ZC3H12B: variants seen among roughly 807,000 people sequenced by gnomAD.
The protein encoded by ZC3H12B is probable ribonuclease ZC3H12B.
A neutral mutation model predicts 43.9 loss-of-function variants in ZC3H12B; 7 were observed. The ratio of observed to expected loss-of-function variants is 0.16; its 90% CI spans 0.09 to 0.30. The LOEUF (loss-of-function observed/expected upper bound fraction) is 0.30. Among genes scored for constraint, ZC3H12B ranks in the 10% least tolerant of loss-of-function variants. The pLI, the probability that ZC3H12B is intolerant of heterozygous loss-of-function variation, is 1.00. For synonymous variants in ZC3H12B, 222 were observed against 241.7 expected, an observed-to-expected ratio of 0.92 and a Z score of 0.76; for missense variants, 475 against 670.2, an observed-to-expected ratio of 0.71 and a Z score of 3.22.
the ZC3H12B span, among the ~76,000 whole-genome samples, chrX:65,152,179 G>A: frequency 9.0e-6 from 1 of 111,623 alleles, no homozygotes; most frequent in African/African-American, 3.3e-5. Flanking sequence ...CACAAGACAG[G>A]GATGCCCTCT....
the ZC3H12B span, among the ~76,000 whole-genome samples, chrX:65,308,685 A>C: frequency 8.9e-6 from 1 of 111,983 alleles, no homozygotes; most frequent in Non-Finnish European, 1.9e-5. Flanking sequence ...CAGAATATAC[A>C]TTCTTCGCAG....
At chrX:65,381,453 A>C (rs1471654584) in intron 2 of ZC3H12B, among the ~76,000 whole-genome samples, 1 of 111,650 alleles carries the variant, frequency 9.0e-6, no homozygotes. Context: ...CATTCAAAGC[A>C]GTGTGTAGAG....
intron 2 of ZC3H12B, 113 bp downstream of exon 7, chrX:65,497,384 G>T (rs1391002591): frequency 1.0e-5 from 7 of 676,574 alleles, no homozygotes; most frequent in Non-Finnish European, 1.4e-5. Flanking sequence ...TATATTTAAA[G>T]TATTTTTATT....
At chrX:65,243,958 A>T in the ZC3H12B span, among the ~76,000 whole-genome samples, 1 of 111,989 alleles carries the variant, frequency 8.9e-6, no homozygotes, top group Non-Finnish European at 1.9e-5. Flanking sequence ...AATGATGCCT[A>T]CCATAGGCTG....
chrX:65,052,024 A>G, the ZC3H12B span, among the ~76,000 whole-genome samples: 1 of 110,825 alleles, frequency 9.0e-6, no homozygotes, highest in Non-Finnish European at 1.9e-5. Context: ...GTAGTTGGAG[A>G]AGTGTAAAAC....
At chrX:65,478,602 G>T (rs1414270610) in intron 3 of ZC3H12B, among the ~76,000 whole-genome samples, 1 of 112,150 alleles carries the variant, frequency 8.9e-6, no homozygotes, top group Admixed American at 9.5e-5. Context: ...TTATTTGTCA[G>T]CTATTGGTTC....
In ZC3H12B at chrX:65,378,349, C is replaced by A. The variant is rs1229265289; in HGVS notation, n.295+9351C>A. On this transcript the variant is annotated intron_variant and non_coding_transcript_variant, in intron 2 of 5. Transcript: ENST00000617377. ...AAGGTGTAGAGTGTTTTTTAGTTTA[C>A]TTTATTCTTGTTTGTTTAGATAAAG... 9.0e-5 allele frequency among the ~76,000 whole-genome samples: 10 copies of A among 111,070 alleles called. No homozygotes were observed. The Admixed American group carries it at 9.5e-4, about 11-fold the overall frequency.
chrX:65,479,570 A>T (rs1275547660), intron 3 of ZC3H12B, among the ~76,000 whole-genome samples: 2 of 110,807 alleles, frequency 1.8e-5, no homozygotes, highest in Non-Finnish European at 3.8e-5. Context: ...GTTTCACTGC[A>T]TTGGCCAGGC....
intron 2 of ZC3H12B, among the ~76,000 whole-genome samples, chrX:65,376,445 T>A (rs2066347623): frequency 9.1e-6 from 1 of 110,420 alleles, no homozygotes; most frequent in Non-Finnish European, 1.9e-5. Context: ...AGCCAGAGAG[T>A]GGTTACAATG....
At chrX:65,286,553 CTAAAA>C in the ZC3H12B span, among the ~76,000 whole-genome samples, 3 of 109,840 alleles carry the variant, frequency 2.7e-5, no homozygotes, top group African/African-American at 9.9e-5. Flanking sequence ...CCCTTTGAAC[CTAAAA>C]TAAAAGTTGA....
chrX:65,417,045 G>T (rs758660858), intron 3 of ZC3H12B, among the ~76,000 whole-genome samples: 2 of 111,753 alleles, frequency 1.8e-5, no homozygotes, highest in South Asian at 7.5e-4. Context: ...TCTGATGAAA[G>T]TATTCAAAAG....
chrX:65,256,750 G>C, the ZC3H12B span, among the ~76,000 whole-genome samples: 6 of 111,885 alleles, frequency 5.4e-5, no homozygotes, highest in Non-Finnish European at 1.1e-4. Context: ...GAATCCAGAC[G>C]TTGGTTTGTT....
the ZC3H12B span, among the ~76,000 whole-genome samples, chrX:65,058,050 A>G: frequency 8.9e-6 from 1 of 112,073 alleles, no homozygotes; most frequent in Non-Finnish European, 1.9e-5. Context: ...AGCTCGGAGA[A>G]GTTTGATCGT....
At chrX:65,352,464 AT>A in the ZC3H12B span, among the ~76,000 whole-genome samples, 13 of 9,328 alleles carry the variant, frequency 1.4e-3, no homozygotes, top group East Asian at 0.042. Flanking sequence ...TTAAAGTATA[AT>A]TTAAAAAAAA....
At chrX:65,218,918 C>G in the ZC3H12B span, among the ~76,000 whole-genome samples, 1 of 112,141 alleles carries the variant, frequency 8.9e-6, no homozygotes, top group Non-Finnish European at 1.9e-5. Context: ...ACAGAGTCCA[C>G]TTCACTCCAT....
intron 3 of ZC3H12B, among the ~76,000 whole-genome samples, chrX:65,466,919 T>TATAG (rs1233869834): frequency 5.7e-5 from 1 of 17,610 alleles, no homozygotes; most frequent in Non-Finnish European, 8.0e-5. Flanking sequence ...AAACCAAATA[T>TATAG]ATATATATAT....
At chrX:65,205,045 A>G in the ZC3H12B span, among the ~76,000 whole-genome samples, 1 of 112,268 alleles carries the variant, frequency 8.9e-6, no homozygotes, top group East Asian at 2.8e-4. Context: ...TTAATTGTAG[A>G]ATAACTTGTT....
the ZC3H12B span, among the ~76,000 whole-genome samples, chrX:65,047,814 T>A: frequency 3.6e-5 from 4 of 110,681 alleles, no homozygotes; most frequent in South Asian, 1.5e-3. Context: ...GTTTTTTTTT[T>A]AAAAGAAAAA....
chrX:65,266,227 C>T, the ZC3H12B span, among the ~76,000 whole-genome samples: 1 of 112,169 alleles, frequency 8.9e-6, no homozygotes, highest in Non-Finnish European at 1.9e-5. Flanking sequence ...AGAACTCACA[C>T]AGAGGTACAT....
Sources: allele counts gnomAD v4.1 joint callset (sites outside exome capture counted in the v4.1 genomes callset), GRCh38; gene constraint gnomAD v4.1.1; transcripts MANE v1.5; gene names NCBI Gene and HGNC (gene_info 2026-07-23, HGNC 2026-07-21).